The following MYO6 variants were observed in gnomAD, a reference collection of about 807,000 sequenced individuals.
MYO6 encodes the protein myosin VI.
A neutral mutation model predicts 178.7 loss-of-function variants in MYO6; 74 were observed. That is an observed-to-expected ratio of 0.41 (90% CI 0.34 to 0.50). The LOEUF (loss-of-function observed/expected upper bound fraction) is 0.50, where lower values mean the gene tolerates loss of function less well. Among genes scored for constraint, MYO6 ranks in the 20% least tolerant of loss-of-function variants. The probability of loss-of-function intolerance (pLI) is 0.09; values close to 1 mark genes in which losing one functional copy is unlikely to be tolerated. For synonymous variants in MYO6, 477 were observed against 504.6 expected, an observed-to-expected ratio of 0.95 and a Z score of 0.73; for missense variants, 1,330 against 1,547.4, an observed-to-expected ratio of 0.86 and a Z score of 2.36.
chr6:75,899,034 G>T (rs1172156204), intron 30 of MYO6, among the ~76,000 whole-genome samples: 3 of 152,094 alleles, frequency 2.0e-5, no homozygotes, highest in Non-Finnish European at 2.9e-5. Flanking sequence ...TTACATGATT[G>T]TCTTTATAGC....
intron 15 of MYO6, among the ~76,000 whole-genome samples, chr6:75,862,331 T>C (rs757033775): frequency 6.6e-6 from 1 of 152,218 alleles, no homozygotes; most frequent in South Asian, 2.1e-4. Context: ...GGTTTACAAA[T>C]GGAATGGTTA....
rs1781203280 is a variant in MYO6, at chr6:75,917,859, G to A, written c.*2847G>A. The A allele has an allele frequency of 7.0e-6, 1 of 142,872 alleles. No homozygotes were observed. The highest frequency in any genetic ancestry group is 2.1e-4 in the East Asian group (1 of 4,714). The allele number at this position is 142,872 out of a possible 1,614,324, so 8.9% of individuals were successfully genotyped here. A position where few individuals can be genotyped will look rare whatever the true frequency, so the allele number is the denominator to read the frequency against. Reference sequence around the variant, plus strand: ...TCACAGGTCATTACTATGGTTCTCAGCGATCCAAATATGTAGATCATTGGT... The same window carrying A: ...TCACAGGTCATTACTATGGTTCTCAACGATCCAAATATGTAGATCATTGGT... On this transcript the variant is annotated 3_prime_UTR_variant, in exon 35 of 35. Transcript: ENST00000369977.
intron 1 of MYO6, among the ~76,000 whole-genome samples, chr6:75,809,738 A>T (rs1770481062): frequency 6.6e-6 from 1 of 151,888 alleles, no homozygotes; most frequent in Non-Finnish European, 1.5e-5. Context: ...AAAGACTGGA[A>T]GTCAGTAGAA....
chr6:75,901,710 C>G (rs1192970057), intron 30 of MYO6, among the ~76,000 whole-genome samples: 1 of 152,094 alleles, frequency 6.6e-6, no homozygotes, highest in Non-Finnish European at 1.5e-5. Context: ...ATTGAATACC[C>G]TTTATTTCCT....
At position 75,915,420 on chromosome 6, in the gene MYO6, C is replaced by T. The variant is rs181690187; in HGVS notation, c.*408C>T. The T allele has an allele frequency of 4.9e-6, 1 of 204,606 alleles. No individual in the cohort carries two copies. Among genetic ancestry groups the T allele is most frequent in the African/African-American group, 2.3e-5 (1 of 42,896 alleles). The allele number at this position is 204,606 out of a possible 1,614,324, so 12.7% of individuals were successfully genotyped here. On this transcript the variant is annotated 3_prime_UTR_variant, in exon 35 of 35. Transcript: ENST00000369977. ...AATAAAACATGAGCTTACATTCTTA[C>T]AATAACTAAACCACTTAAAATGATC...
intron 1 of MYO6, among the ~76,000 whole-genome samples, chr6:75,792,989 G>T (rs1768401473): frequency 6.6e-6 from 1 of 151,476 alleles, no homozygotes; most frequent in African/African-American, 2.4e-5. Flanking sequence ...ACAAGATCTC[G>T]TCATGTTGAC....
At chr6:75,824,471 C>A (rs999752724) in intron 3 of MYO6, among the ~76,000 whole-genome samples, 2 of 152,156 alleles carry the variant, frequency 1.3e-5, no homozygotes, top group Non-Finnish European at 2.9e-5. Flanking sequence ...TCATCTGAGG[C>A]ATGCCACCAT....
chr6:75,855,195 C>T lies in MYO6; in HGVS notation c.1135C>T (p.Leu379=). The T allele has an allele frequency of 6.2e-7, 1 of 1,613,210 alleles. No homozygotes were observed. The highest frequency in any genetic ancestry group is 8.5e-7 in the Non-Finnish European group (1 of 1,179,380). The stretch of plus-strand genomic sequence containing the variant: ...GTCTTTGGAATATTGTGCTGAATTA[C>T]TGGGTTTGGACCAAGATGATCTTCG... The part of the protein sequence containing the change: ...AQSLEYCAEL[L]GLDQDDLRVS... Residue 379 remains leucine (L), a synonymous_variant, in exon 12 of 35, where the codon CTG becomes TTG. Coordinates refer to ENST00000369977, the MANE Select transcript of MYO6 (RefSeq NM_004999.4).
intron 28 of MYO6, among the ~76,000 whole-genome samples, chr6:75,893,503 AC>A (rs1259182281): frequency 6.6e-6 from 1 of 152,162 alleles, no homozygotes; most frequent in African/African-American, 2.4e-5. Flanking sequence ...ATAGAGTACA[AC>A]CACTAGATGG....
intron 1 of MYO6, among the ~76,000 whole-genome samples, chr6:75,772,991 A>G (rs1766033650): frequency 6.6e-6 from 1 of 152,232 alleles, no homozygotes; most frequent in Non-Finnish European, 1.5e-5. Context: ...GAAAGTGACT[A>G]TAGGTTTATC....
In MYO6 at chr6:75,804,636, T is replaced by C. The variant is rs75864986; in HGVS notation, c.-47-12865T>C. On this transcript the variant is annotated intron_variant, in intron 1 of 34. Transcript: ENST00000369977. ...CTGAGGCCAGATACCTTGTCTCTTT[T>C]TGCTCACCTTTATACCCCCAACACC... 4.6e-3 allele frequency among the ~76,000 whole-genome samples: 702 copies of C among 152,226 alleles called. 9 individuals are homozygous for C. The highest frequency in any genetic ancestry group is 0.016 in the African/African-American group (664 of 41,522).
intron 19 of MYO6, among the ~76,000 whole-genome samples, chr6:75,871,104 C>A (rs1473210280): frequency 1.3e-5 from 2 of 152,028 alleles, no homozygotes; most frequent in Non-Finnish European, 2.9e-5. Context: ...TATTAGAAGC[C>A]TGTTTTTTAA....
At chr6:75,811,118 G>C (rs573883051) in intron 1 of MYO6, among the ~76,000 whole-genome samples, 1 of 146,410 alleles carries the variant, frequency 6.8e-6, no homozygotes, top group East Asian at 2.3e-4. Flanking sequence ...GGGTGGTGGG[G>C]ATTGGGGTAG....
At chr6:75,910,627 GA>G (rs1235657667) in intron 32 of MYO6, among the ~76,000 whole-genome samples, 1 of 152,122 alleles carries the variant, frequency 6.6e-6, no homozygotes, top group Non-Finnish European at 1.5e-5. Flanking sequence ...AGCCTTCAGA[GA>G]ACTTGATTAT....
chr6:75,903,762 C>T (rs1186579849), intron 30 of MYO6, among the ~76,000 whole-genome samples: 4 of 151,208 alleles, frequency 2.6e-5, no homozygotes, highest in Admixed American at 6.6e-5. Flanking sequence ...GAATTTGATC[C>T]TGTCATTATG....
At chr6:75,838,232 T>C (rs1773849897) in intron 7 of MYO6, among the ~76,000 whole-genome samples, 1 of 151,994 alleles carries the variant, frequency 6.6e-6, no homozygotes, top group African/African-American at 2.4e-5. Flanking sequence ...TTTTTGTATT[T>C]TTTTAGTAGA....
chr6:75,907,685 G>GT lies in MYO6; in HGVS notation c.3258dup (p.Asp1087Ter), dbSNP rs763489574. 6.2e-7 allele frequency: 1 copy of GT among 1,612,508 alleles called. No homozygotes were observed. The highest frequency in any genetic ancestry group is 2.2e-5 in the East Asian group (1 of 44,834). ...AGTAAATGGAAATATGCAGAACTAC[G>GT]TGATACCATCAATACTTCTTGTGGT... is the stretch of plus-strand genomic sequence containing the variant. On this transcript the variant is annotated frameshift_variant, in exon 31 of 35. Coordinates refer to ENST00000369977, the MANE Select transcript of MYO6 (RefSeq NM_004999.4). LOFTEE classifies it high-confidence loss of function.
At chr6:75,903,097 G>A (rs559383416) in intron 30 of MYO6, among the ~76,000 whole-genome samples, 85 of 152,128 alleles carry the variant, frequency 5.6e-4, no homozygotes, top group Non-Finnish European at 1.1e-3. Context: ...GAGATAGTTT[G>A]TTATAATTTC....
At position 75,778,612 on chromosome 6, in the gene MYO6, T is replaced by A. The variant is rs769901894; in HGVS notation, c.-48+29189T>A. The stretch of plus-strand genomic sequence containing the variant: ...ACTCCGTCTCAAAAAAAAAAAAAAA[T>A]TTTTTTTCTGCCTTTTTCTAATTTC... On this transcript the variant is annotated intron_variant, in intron 1 of 34. Transcript: ENST00000369977. Among the ~76,000 whole-genome samples the A allele has an allele frequency of 2.9e-3, 434 of 149,242 alleles. 1 individual carries two copies. The highest frequency in any genetic ancestry group is 8.4e-3 in the African/African-American group (344 of 40,734).
Sources: gnomAD v4.1 joint callset for allele counts (sites outside exome capture counted in the v4.1 genomes callset) on GRCh38, gnomAD v4.1.1 for gene constraint, MANE v1.5 for transcripts, NCBI Gene and HGNC (gene_info 2026-07-23, HGNC 2026-07-21) for gene names.